The following NR2F1-AS1 variants were observed in gnomAD, a reference collection of about 807,000 sequenced individuals.
NR2F1-AS1 encodes the protein NR2F1 regulatory antisense RNA 1.
At chr5:93,502,530 G>A (rs1751106560) in intron 4 of NR2F1-AS1, among the ~76,000 whole-genome samples, 1 of 152,132 alleles carries the variant, frequency 6.6e-6, no homozygotes, top group African/African-American at 2.4e-5. Context: ...CAGGATATGT[G>A]GTTTGGGGCC....
intron 4 of NR2F1-AS1, among the ~76,000 whole-genome samples, chr5:93,447,464 T>C (rs1384246528): frequency 6.6e-6 from 1 of 152,216 alleles, no homozygotes; most frequent in East Asian, 1.9e-4. Flanking sequence ...ATGCTCATCA[T>C]CACTGGTCAT....
chr5:93,489,583 T>C (rs965213599), intron 4 of NR2F1-AS1, among the ~76,000 whole-genome samples: 1 of 152,102 alleles, frequency 6.6e-6, no homozygotes, highest in African/African-American at 2.4e-5. Flanking sequence ...TGCCTGTATT[T>C]GAAGAGCTGA....
rs562765622 is a variant in NR2F1-AS1 at position 93,430,684 on chromosome 5, G to A, written n.639-35142C>T. Among the ~76,000 whole-genome samples the A allele has an allele frequency of 7.9e-5, 12 of 152,216 alleles. No individual in the cohort carries two copies. In the South Asian group the frequency reaches 2.3e-3, roughly 29 times the overall value. On this transcript the variant is annotated intron_variant and non_coding_transcript_variant, in intron 4 of 5. Transcript: ENST00000660523. ...TGTGGCCCAGTAAACTTGTTCTCATGTTGCAGAAATGCCATGCATATCTTA... is the reference window on the plus strand; with the variant it reads ...TGTGGCCCAGTAAACTTGTTCTCATATTGCAGAAATGCCATGCATATCTTA...
chr5:93,483,204 G>A (rs1442408285), intron 4 of NR2F1-AS1, among the ~76,000 whole-genome samples: 2 of 152,106 alleles, frequency 1.3e-5, no homozygotes, highest in East Asian at 3.9e-4. Flanking sequence ...GAGCGCTCTG[G>A]CTGGGATATG....
chr5:93,509,744 T>G (rs992295397), intron 4 of NR2F1-AS1, among the ~76,000 whole-genome samples: 1 of 152,054 alleles, frequency 6.6e-6, no homozygotes, highest in Non-Finnish European at 1.5e-5. Flanking sequence ...TCAGTATGTT[T>G]GAAATTTTTC....
intron 4 of NR2F1-AS1, among the ~76,000 whole-genome samples, chr5:93,488,935 C>G (rs992860277): frequency 6.6e-6 from 1 of 152,158 alleles, no homozygotes; most frequent in African/African-American, 2.4e-5. Context: ...AGGATGAGTT[C>G]ATGTCCTTTG....
intron 4 of NR2F1-AS1, among the ~76,000 whole-genome samples, chr5:93,501,889 G>A (rs534366962): frequency 2.6e-5 from 4 of 152,162 alleles, no homozygotes; most frequent in South Asian, 2.1e-4. Context: ...AGAGTCAATC[G>A]ATAGGGCAAA....
intron 4 of NR2F1-AS1, among the ~76,000 whole-genome samples, chr5:93,527,419 C>T (rs572130164): frequency 2.0e-5 from 3 of 152,242 alleles, no homozygotes; most frequent in South Asian, 2.1e-4. Flanking sequence ...GGCTATAATG[C>T]CAAAAGTAGT....
chr5:93,538,616 A>T (rs1483196361), intron 4 of NR2F1-AS1, among the ~76,000 whole-genome samples: 1 of 152,228 alleles, frequency 6.6e-6, no homozygotes, highest in Non-Finnish European at 1.5e-5. Context: ...TGTAGGAAAT[A>T]CTTCTTATAA....
At chr5:93,426,949 T>C (rs1431676842) in intron 4 of NR2F1-AS1, among the ~76,000 whole-genome samples, 1 of 152,192 alleles carries the variant, frequency 6.6e-6, no homozygotes. Flanking sequence ...GGGAACTGCA[T>C]AATTTAGGAC....
chr5:93,492,806 G>A (rs1379554268), intron 4 of NR2F1-AS1, among the ~76,000 whole-genome samples: 1 of 151,536 alleles, frequency 6.6e-6, no homozygotes, highest in Non-Finnish European at 1.5e-5. Context: ...CTCAATACAT[G>A]CAGAAGGAGT....
At chr5:93,582,956 G>A (rs916433020), upstream of NR2F1-AS1, among the ~76,000 whole-genome samples, 8 of 152,058 alleles carry the variant, frequency 5.3e-5, no homozygotes, top group African/African-American at 1.7e-4. Flanking sequence ...AGCGGGGGGG[G>A]GAGAAAGAAA....
intron 4 of NR2F1-AS1, among the ~76,000 whole-genome samples, chr5:93,533,707 TA>T: frequency 6.6e-6 from 1 of 152,336 alleles, no homozygotes; most frequent in African/African-American, 2.4e-5. Context: ...CTCTATGAGA[TA>T]GATATTACTA....
At chr5:93,429,621 G>C (rs1200807599) in intron 4 of NR2F1-AS1, among the ~76,000 whole-genome samples, 1 of 152,204 alleles carries the variant, frequency 6.6e-6, no homozygotes, top group East Asian at 1.9e-4. Context: ...AATCAGCTCA[G>C]ATATCTTAAT....
chr5:93,418,697 G>A (rs573619516), intron 4 of NR2F1-AS1, among the ~76,000 whole-genome samples: 2 of 152,104 alleles, frequency 1.3e-5, no homozygotes, highest in Non-Finnish European at 2.9e-5. Context: ...CCTTATCTGT[G>A]TTACCTGACT....
intron 1 of NR2F1-AS1, among the ~76,000 whole-genome samples, chr5:93,574,150 A>G (rs1752841086): frequency 6.6e-6 from 1 of 152,212 alleles, no homozygotes; most frequent in African/African-American, 2.4e-5. Context: ...AGCCTTTGCC[A>G]CGAAGGGACT....
At chr5:93,538,554 G>A (rs77071672) in intron 4 of NR2F1-AS1, among the ~76,000 whole-genome samples, 3,299 of 152,202 alleles carry the variant, frequency 0.022, 110 homozygotes, top group African/African-American at 0.075. Context: ...AATGCTGCAC[G>A]AAAGTGTTGA....
intron 4 of NR2F1-AS1, among the ~76,000 whole-genome samples, chr5:93,522,921 T>C (rs1163573740): frequency 6.6e-6 from 1 of 151,996 alleles, no homozygotes; most frequent in East Asian, 1.9e-4. Context: ...GGGCAGCCGT[T>C]TGGGCAGACA....
intron 4 of NR2F1-AS1, among the ~76,000 whole-genome samples, chr5:93,486,709 C>G (rs1464375310): frequency 1.3e-5 from 2 of 152,102 alleles, no homozygotes; most frequent in African/African-American, 4.8e-5. Flanking sequence ...GTATTCCAAA[C>G]AATAGAAAAA....
Sources: allele counts gnomAD v4.1 joint callset (sites outside exome capture counted in the v4.1 genomes callset), GRCh38; gene constraint gnomAD v4.1.1; transcripts MANE v1.5; gene names NCBI Gene and HGNC (gene_info 2026-07-23, HGNC 2026-07-21).